Variants in WWOX observed in about 807,000 individuals in gnomAD.
WWOX encodes the protein WW domain containing oxidoreductase.
A neutral mutation model predicts 46.2 loss-of-function variants in WWOX; 69 were observed. The observed-to-expected ratio is 1.49, with a 90% CI of 1.23 to 1.82. The LOEUF (loss-of-function observed/expected upper bound fraction) is 1.82. Among genes scored for constraint, WWOX ranks in the 40% most tolerant of loss-of-function variants. The pLI, the probability that WWOX is intolerant of heterozygous loss-of-function variation, is 0.00. For synonymous variants in WWOX, 359 were observed against 202.6 expected (o/e 1.77, Z -6.56); for missense variants, 919 against 542.6 (o/e 1.69, Z -6.89).
intron 8 of WWOX, among the ~76,000 whole-genome samples, chr16:78,964,070 C>G (rs1378275421): frequency 1.3e-5 from 2 of 152,186 alleles, no homozygotes; most frequent in Non-Finnish European, 2.9e-5. Flanking sequence ...ACCTCTTTTT[C>G]TTCCCGGTCT....
chr16:78,399,460 G>C (rs1006333595), intron 6 of WWOX, among the ~76,000 whole-genome samples: 2 of 151,898 alleles, frequency 1.3e-5, no homozygotes, highest in African/African-American at 4.8e-5. Flanking sequence ...TTAAGAGTAA[G>C]GGCTTCCCTG....
intron 5 of WWOX, among the ~76,000 whole-genome samples, chr16:78,384,024 G>C (rs762953893): frequency 7.9e-5 from 12 of 152,216 alleles, no homozygotes; most frequent in Non-Finnish European, 1.5e-4. Context: ...TTACAGAGAA[G>C]ACTGGGCTAG....
intron 5 of WWOX, among the ~76,000 whole-genome samples, chr16:78,310,071 C>G (rs1489037309): frequency 6.6e-6 from 1 of 152,052 alleles, no homozygotes; most frequent in African/African-American, 2.4e-5. Context: ...CTCCTTCCCC[C>G]TCTCTTTTTC....
intron 8 of WWOX, among the ~76,000 whole-genome samples, chr16:78,445,156 A>T (rs905892954): frequency 6.6e-6 from 1 of 152,168 alleles, no homozygotes; most frequent in Admixed American, 6.5e-5. Context: ...ACATCAGGGT[A>T]TAAGCTGTCC....
intron 5 of WWOX, among the ~76,000 whole-genome samples, chr16:78,216,683 T>C (rs1041546029): frequency 3.3e-5 from 5 of 152,152 alleles, no homozygotes; most frequent in African/African-American, 1.2e-4. Flanking sequence ...TTTAGGGATC[T>C]TTGTGATTTC....
At chr16:78,583,214 A>G (rs1432447578) in intron 8 of WWOX, among the ~76,000 whole-genome samples, 6 of 152,192 alleles carry the variant, frequency 3.9e-5, no homozygotes, top group South Asian at 2.1e-4. Context: ...AGGCTGCTCT[A>G]TCCCATGGTT....
intron 8 of WWOX, among the ~76,000 whole-genome samples, chr16:79,125,399 C>A (rs1240177477): frequency 6.6e-6 from 1 of 152,156 alleles, no homozygotes; most frequent in African/African-American, 2.4e-5. Context: ...TTGGGATGTG[C>A]AAAATAAGCC....
rs1039256149 is a variant in WWOX at position 79,001,191 on chromosome 16, T to C, written c.1057-210417T>C. Among the ~76,000 whole-genome samples the C allele has an allele frequency of 2.0e-5, 3 of 152,200 alleles. No homozygotes were observed. In the East Asian group the frequency reaches 5.8e-4, roughly 29 times the overall value. ...TGAATGCACTTTTGAATAAAGGGCC[T>C]AGAAGATGCAGTCTCGAGGAACGGA... On this transcript the variant is annotated intron_variant, in intron 8 of 8. Transcript: ENST00000566780.
At chr16:78,386,183 G>C (rs2082056552) in intron 5 of WWOX, among the ~76,000 whole-genome samples, 1 of 152,140 alleles carries the variant, frequency 6.6e-6, no homozygotes, top group African/African-American at 2.4e-5. Context: ...TCTTTGAGTT[G>C]TTAGGAGCCT....
At chr16:78,153,582 C>A (rs34451070) in intron 4 of WWOX, among the ~76,000 whole-genome samples, 2 of 152,062 alleles carry the variant, frequency 1.3e-5, no homozygotes, top group Non-Finnish European at 2.9e-5. Context: ...TCCTAAAGAT[C>A]GTTTTAGTGC....
chr16:78,797,267 C>T (rs1453754430), intron 8 of WWOX, among the ~76,000 whole-genome samples: 1 of 149,830 alleles, frequency 6.7e-6, no homozygotes, highest in African/African-American at 2.5e-5. Context: ...TCAAGTCAGC[C>T]ACCTCTGACC....
In WWOX at chr16:78,771,871, A is replaced by T. The variant is rs547663166; in HGVS notation, c.1056+339119A>T. Among the ~76,000 whole-genome samples the T allele has an allele frequency of 5.3e-5, 8 of 152,344 alleles. No homozygotes were observed. The South Asian group carries it at 1.7e-3, about 32-fold the overall frequency. Reference sequence around the variant, plus strand: ...GAGTTCAGTCTAGCTCTCTCACAAAAAAAAAGTTAAAATGACAAATTTTGT... The same window carrying T: ...GAGTTCAGTCTAGCTCTCTCACAAATAAAAAGTTAAAATGACAAATTTTGT... On this transcript the variant is annotated intron_variant, in intron 8 of 8. Coordinates refer to ENST00000566780, the MANE Select transcript of WWOX (RefSeq NM_016373.4).
chr16:79,170,997 G>A (rs1407741152), intron 8 of WWOX, among the ~76,000 whole-genome samples: 1 of 152,114 alleles, frequency 6.6e-6, no homozygotes, highest in Non-Finnish European at 1.5e-5. Flanking sequence ...GTGAGATGTT[G>A]GGAAATGTTT....
chr16:78,841,178 G>A (rs929139855), intron 8 of WWOX, among the ~76,000 whole-genome samples: 16 of 152,188 alleles, frequency 1.1e-4, no homozygotes, highest in African/African-American at 3.6e-4. Context: ...GGGTCTTCCA[G>A]AAATGCAGGG....
At chr16:78,654,626 T>C (rs2142153493) in intron 8 of WWOX, among the ~76,000 whole-genome samples, 1 of 152,290 alleles carries the variant, frequency 6.6e-6, no homozygotes, top group East Asian at 1.9e-4. Context: ...TGTACCTACC[T>C]ATCTATACCT....
chr16:78,607,191 T>C (rs1222554809), intron 8 of WWOX, among the ~76,000 whole-genome samples: 1 of 152,218 alleles, frequency 6.6e-6, no homozygotes, highest in Non-Finnish European at 1.5e-5. Flanking sequence ...GTTAATAAAA[T>C]ACTTCATATT....
chr16:78,578,254 T>TTATGTATATATATATATA (rs1555567048), intron 8 of WWOX, among the ~76,000 whole-genome samples: 1 of 31,630 alleles, frequency 3.2e-5, no homozygotes, highest in Non-Finnish European at 6.0e-5. Context: ...ATACCAAATT[T>TTATGTATATATATATATA]TATATATATA....
At chr16:78,443,521 G>A (rs2151399496) in intron 8 of WWOX, among the ~76,000 whole-genome samples, 1 of 152,278 alleles carries the variant, frequency 6.6e-6, no homozygotes, top group South Asian at 2.1e-4. Flanking sequence ...ATCTGCCTTT[G>A]TGAGGCTGGA....
chr16:78,713,785 C>G (rs1412124253), intron 8 of WWOX, among the ~76,000 whole-genome samples: 2 of 152,176 alleles, frequency 1.3e-5, no homozygotes, highest in Non-Finnish European at 2.9e-5. Context: ...TTTAAGCCAC[C>G]TAGTCTGTCA....
Sources: allele counts gnomAD v4.1 joint callset (sites outside exome capture counted in the v4.1 genomes callset), GRCh38; gene constraint gnomAD v4.1.1; transcripts MANE v1.5; gene names NCBI Gene and HGNC (gene_info 2026-07-23, HGNC 2026-07-21).